Variants in SLC35A1 observed in about 807,000 individuals in gnomAD.
SLC35A1 encodes the protein solute carrier family 35 member A1, also known as CMP-sialic acid transporter.
SLC35A1 carries 21 observed loss-of-function variants against 40.3 expected under a neutral mutation model. The observed-to-expected ratio is 0.52, with a 90% CI of 0.37 to 0.75. The LOEUF is 0.75. Ranked by LOEUF, SLC35A1 falls within the 30% of genes least tolerant of loss-of-function variation. The pLI, the probability that SLC35A1 is intolerant of heterozygous loss-of-function variation, is 0.00. For missense variants in SLC35A1, 297 were observed against 382.1 expected, an observed-to-expected ratio of 0.78 and a Z score of 1.86; for synonymous variants, 146 against 147.3, an observed-to-expected ratio of 0.99 and a Z score of 0.06.
At chr6:87,485,221 C>T (rs1769359806) in intron 2 of SLC35A1, among the ~76,000 whole-genome samples, 1 of 152,136 alleles carries the variant, frequency 6.6e-6, no homozygotes, top group Non-Finnish European at 1.5e-5. Context: ...GCACAGGAAA[C>T]CAAAGTTGAT....
At chr6:87,492,225 A>G (rs1224899517) in intron 2 of SLC35A1, among the ~76,000 whole-genome samples, 2 of 152,096 alleles carry the variant, frequency 1.3e-5, no homozygotes, top group South Asian at 2.1e-4. Context: ...AATTTTTCCA[A>G]TTGCCCTCCA....
At chr6:87,495,707 G>C (rs930029225) in intron 2 of SLC35A1, among the ~76,000 whole-genome samples, 3 of 151,394 alleles carry the variant, frequency 2.0e-5, no homozygotes, top group South Asian at 4.2e-4. Context: ...CCAGGCTGGA[G>C]TGCAGTGGTG....
chr6:87,506,599 C>T (rs1770089642), intron 5 of SLC35A1, 151 bp downstream of exon 5: 2 of 710,202 alleles, frequency 2.8e-6, no homozygotes, highest in African/African-American at 3.5e-5. Context: ...AGCTGTTTTT[C>T]CAGTAAATGT....
intron 2 of SLC35A1, among the ~76,000 whole-genome samples, chr6:87,489,278 G>T (rs1769474735): frequency 8.0e-6 from 1 of 125,578 alleles, no homozygotes; most frequent in Admixed American, 8.8e-5. Context: ...TGTTTAGGTT[G>T]TGGGGGCAAA....
At chr6:87,474,340 T>A (rs1399114778) in intron 1 of SLC35A1, among the ~76,000 whole-genome samples, 1 of 152,216 alleles carries the variant, frequency 6.6e-6, no homozygotes, top group East Asian at 1.9e-4. Context: ...GTATTACAAA[T>A]AATGTCCCCA....
chr6:87,508,783 G>GC, intron 6 of SLC35A1, 187 bp downstream of exon 6: 1 of 707,756 alleles, frequency 1.4e-6, no homozygotes, highest in Non-Finnish European at 2.3e-6. Context: ...GGATAGCAAT[G>GC]CCCCAAAATA....
chr6:87,486,586 G>C (rs1769397938), intron 2 of SLC35A1, among the ~76,000 whole-genome samples: 1 of 151,908 alleles, frequency 6.6e-6, no homozygotes, highest in South Asian at 2.1e-4. Flanking sequence ...ATAATAAATA[G>C]GTGATGTTAT....
chr6:87,511,773 T>C lies in SLC35A1; in HGVS notation c.*247T>C, dbSNP rs1304925909. 2 of 481,174 alleles carry C rather than the reference T, an allele frequency of 4.2e-6. No homozygotes were observed. The highest frequency in any genetic ancestry group is 4.0e-5 in the East Asian group (1 of 24,960). 29.8% of individuals were successfully genotyped at this position (481,174 alleles called of 1,614,324 possible). A position where few individuals can be genotyped will look rare whatever the true frequency, so the allele number is the denominator to read the frequency against. On this transcript the variant is annotated 3_prime_UTR_variant, in exon 8 of 8. Transcript: ENST00000369552. ...AAGGAATTGTATTATTGTGTGTATA[T>C]ATAATTTGTAAATAAAAAGTATGGA...
chr6:87,482,717 G>A (rs901064909), intron 2 of SLC35A1, among the ~76,000 whole-genome samples: 1 of 152,166 alleles, frequency 6.6e-6, no homozygotes, highest in Non-Finnish European at 1.5e-5. Context: ...TAGATCCCCT[G>A]TGAGGAAACC....
rs200999370 is a variant in SLC35A1 at position 87,477,548 on chromosome 6, A to G, written c.194+9A>G. 171 of 1,594,492 alleles carry G rather than the reference A, an allele frequency of 1.1e-4. No homozygotes were observed. The highest frequency in any genetic ancestry group is 1.4e-4 in the Non-Finnish European group (162 of 1,162,370). ...GTGGGAATTTTAGCTAAGTGAGTAT[A>G]AATACTTATAGTGTGTTAAATTATT... is the stretch of plus-strand genomic sequence containing the variant. On this transcript the variant is annotated intron_variant, in intron 2 of 7. Coordinates refer to ENST00000369552, the MANE Select transcript of SLC35A1 (RefSeq NM_006416.5).
intron 2 of SLC35A1, among the ~76,000 whole-genome samples, chr6:87,499,591 T>A (rs1769852408): frequency 7.3e-6 from 1 of 136,470 alleles, no homozygotes; most frequent in Admixed American, 8.0e-5. Flanking sequence ...AAACTTTATG[T>A]ACATTAGAGA....
At chr6:87,510,763 C>T (rs912824466) in intron 7 of SLC35A1, among the ~76,000 whole-genome samples, 4 of 151,540 alleles carry the variant, frequency 2.6e-5, no homozygotes, top group Non-Finnish European at 4.4e-5. Flanking sequence ...CCCGGCTACT[C>T]GAGAGGCTGA....
At chr6:87,504,789 G>C (rs1432810909) in intron 4 of SLC35A1, among the ~76,000 whole-genome samples, 1 of 152,176 alleles carries the variant, frequency 6.6e-6, no homozygotes, top group Admixed American at 6.5e-5. Flanking sequence ...ACTAAGTCAA[G>C]AATTTATCAG....
rs936552023 is a variant in SLC35A1 at position 87,511,875 on chromosome 6, T to TAA, written c.*351_*352dup. 1 of 322,984 alleles carries TAA rather than the reference T, an allele frequency of 3.1e-6. No homozygotes were observed. Among genetic ancestry groups the TAA allele is most frequent in the Admixed American group, 4.3e-5 (1 of 23,238 alleles). The allele number at this position is 322,984 out of a possible 1,614,324, so 20.0% of individuals were successfully genotyped here. On this transcript the variant is annotated 3_prime_UTR_variant, in exon 8 of 8. Coordinates refer to ENST00000369552, the MANE Select transcript of SLC35A1 (RefSeq NM_006416.5). ...AAGGTTTGGGACAATGTCTAAGGGTTAAAGTGCCAAAGCCATTTCTGTACT... is the reference window on the plus strand; with the variant it reads ...AAGGTTTGGGACAATGTCTAAGGGTTAAAAAGTGCCAAAGCCATTTCTGTACT...
At chr6:87,508,617 G>C in intron 6 of SLC35A1, 21 bp downstream of exon 6, 1 of 1,592,998 alleles carries the variant, frequency 6.3e-7, no homozygotes, top group African/African-American at 1.3e-5. Context: ...AGGAATTAAA[G>C]GTTCTTAGTA....
At chr6:87,499,237 A>G (rs1025917816) in intron 2 of SLC35A1, 1 of 440,646 alleles carries the variant, frequency 2.3e-6, no homozygotes, top group Non-Finnish European at 3.0e-6. Context: ...CAGCATTTAA[A>G]AATGAAAAAA....
At chr6:87,489,697 A>G (rs1769489742) in intron 2 of SLC35A1, among the ~76,000 whole-genome samples, 1 of 151,734 alleles carries the variant, frequency 6.6e-6, no homozygotes, top group Non-Finnish European at 1.5e-5. Context: ...ATGTGCCACC[A>G]CGCCTGGCTA....
intron 7 of SLC35A1, 30 bp downstream of exon 7, chr6:87,509,205 C>T: frequency 6.2e-7 from 1 of 1,613,420 alleles, no homozygotes; most frequent in Non-Finnish European, 8.5e-7. Flanking sequence ...GAGTTTTTAA[C>T]ATGGAAGAGC....
At chr6:87,508,270 A>T in intron 5 of SLC35A1, 150 bp from the exon 6 acceptor site, 1 of 610,706 alleles carries the variant, frequency 1.6e-6, no homozygotes, top group Non-Finnish European at 2.9e-6. Flanking sequence ...TGTGTCACAC[A>T]ACCTACATAA....
Sources: allele counts gnomAD v4.1 joint callset (sites outside exome capture counted in the v4.1 genomes callset), GRCh38; gene constraint gnomAD v4.1.1; transcripts MANE v1.5; gene names NCBI Gene and HGNC (gene_info 2026-07-23, HGNC 2026-07-21).